Variants in FILIP1L observed in about 807,000 individuals in gnomAD.
FILIP1L encodes the protein filamin A-interacting protein 1-like.
In FILIP1L, 55 loss-of-function variants were observed where a neutral mutation model predicts 96.6. The observed-to-expected ratio is 0.57, with a 90% CI of 0.46 to 0.71. FILIP1L has a LOEUF of 0.71. Ranked by LOEUF, FILIP1L falls within the 30% of genes least tolerant of loss-of-function variation. The probability of loss-of-function intolerance (pLI) is 0.00; values close to 1 mark genes in which losing one functional copy is unlikely to be tolerated. For missense variants in FILIP1L, 1,304 were observed against 1,321.2 expected, an observed-to-expected ratio of 0.99 and a Z score of 0.20; for synonymous variants, 467 against 473.9, an observed-to-expected ratio of 0.99 and a Z score of 0.19.
At chr3:99,916,455 CA>C (rs1559686859) in intron 4 of FILIP1L, among the ~76,000 whole-genome samples, 11 of 150,970 alleles carry the variant, frequency 7.3e-5, no homozygotes, top group African/African-American at 2.2e-4. Flanking sequence ...CACACACACA[CA>C]CACACACACA....
chr3:100,018,870 C>A (rs1710421362), intron 1 of FILIP1L, among the ~76,000 whole-genome samples: 1 of 151,754 alleles, frequency 6.6e-6, no homozygotes, highest in Non-Finnish European at 1.5e-5. Context: ...CAAATAAGCT[C>A]ATTAAAAAAT....
intron 4 of FILIP1L, among the ~76,000 whole-genome samples, chr3:99,858,430 A>C (rs1403981299): frequency 1.3e-5 from 2 of 152,162 alleles, no homozygotes; most frequent in East Asian, 3.8e-4. Flanking sequence ...ACACCACTGC[A>C]CTCCAGCCTG....
At position 99,851,039 on chromosome 3, in the gene FILIP1L, A is replaced by G. The variant is rs1219955931; in HGVS notation, c.637T>C (p.Ser213Pro). 6.3e-7 allele frequency: 1 copy of G among 1,596,504 alleles called. No homozygotes were observed. ...LKKLIDQEIK[S>P]QEEKEQEKEK... ...TTTTCTTGCTCCTTCTCCTCCTGAG[A>G]CTTGATTTCTTGATCAATTAGCTTC... is the stretch of plus-strand genomic sequence containing the variant. Residue 213 changes from serine to proline, a missense_variant, in exon 5 of 6, where the codon TCT becomes CCT. Ser to Pro is a moderately conservative substitution (Grantham distance 74). Coordinates refer to ENST00000477258, the MANE Select transcript of FILIP1L (RefSeq NM_001387850.1).
intron 1 of FILIP1L, among the ~76,000 whole-genome samples, chr3:100,101,593 G>A (rs566987726): frequency 2.0e-5 from 3 of 152,246 alleles, no homozygotes; most frequent in African/African-American, 7.2e-5. Flanking sequence ...GTCCAACACA[G>A]GAGGGGTTGG....
intron 1 of FILIP1L, among the ~76,000 whole-genome samples, chr3:100,006,559 C>T (rs1045903745): frequency 1.3e-5 from 2 of 151,774 alleles, no homozygotes; most frequent in African/African-American, 2.4e-5. Flanking sequence ...CATTCAAATC[C>T]CAGAAGTTGT....
chr3:99,838,975 A>G (rs756714813), intron 5 of FILIP1L, among the ~76,000 whole-genome samples: 7 of 152,114 alleles, frequency 4.6e-5, no homozygotes, highest in African/African-American at 9.7e-5. Context: ...TGCCCCAACC[A>G]TCTCAACTTC....
intron 4 of FILIP1L, among the ~76,000 whole-genome samples, chr3:99,872,322 T>TGA (rs1553691604): frequency 8.5e-5 from 12 of 141,234 alleles, no homozygotes; most frequent in Non-Finnish European, 1.4e-4. Flanking sequence ...TGTGTGTGTG[T>TGA]GACTGTGGGG....
At chr3:99,860,682 G>A (rs1331096349) in intron 4 of FILIP1L, among the ~76,000 whole-genome samples, 2 of 152,286 alleles carry the variant, frequency 1.3e-5, no homozygotes, top group African/African-American at 2.4e-5. Flanking sequence ...AAAGGGCCAG[G>A]TGGAGACTTG....
chr3:99,931,214 C>A (rs1229698139), intron 1 of FILIP1L, among the ~76,000 whole-genome samples, 184 bp from the exon 2 acceptor site: 1 of 152,084 alleles, frequency 6.6e-6, no homozygotes, highest in Non-Finnish European at 1.5e-5. Context: ...ATTTGCACTT[C>A]TGCTTTTAAA....
Position 99,830,522 on chromosome 3 carries a change from G to A in FILIP1L, c.3465C>T (p.Ala1155=). ...STGITKISTK[A]PTVPMDKPIY... ...TAGGCTTATCCATAGGCACTGTGGG[G>A]GCTTTAGTGGAAATCTTGGTGATGC... The change falls in exon 6 of 6, where the codon GCC becomes GCT. Residue 1155 remains alanine, a synonymous_variant. Coordinates refer to ENST00000477258, the MANE Select transcript of FILIP1L (RefSeq NM_001387850.1). 1 of 456,698 alleles carries A rather than the reference G, an allele frequency of 2.2e-6. No homozygotes were observed. The highest frequency in any genetic ancestry group is 4.4e-6 in the Non-Finnish European group (1 of 226,970). The allele number at this position is 456,698 out of a possible 1,614,324, so 28.3% of individuals were successfully genotyped here.
intron 1 of FILIP1L, among the ~76,000 whole-genome samples, chr3:100,056,179 G>T (rs1249162327): frequency 6.6e-6 from 1 of 152,164 alleles, no homozygotes; most frequent in Non-Finnish European, 1.5e-5. Flanking sequence ...TACAAAAATG[G>T]TAGGGTACCA....
At chr3:99,889,520 C>A (rs963135131) in intron 4 of FILIP1L, among the ~76,000 whole-genome samples, 1 of 151,918 alleles carries the variant, frequency 6.6e-6, no homozygotes, top group Non-Finnish European at 1.5e-5. Context: ...GTTAAAATTG[C>A]TTTAATCCAG....
intron 1 of FILIP1L, among the ~76,000 whole-genome samples, chr3:100,079,351 G>T (rs2065898036): frequency 6.6e-6 from 1 of 152,208 alleles, no homozygotes; most frequent in South Asian, 2.1e-4. Context: ...GGATGGCAAA[G>T]AATTTGTAAC....
chr3:100,061,561 T>A (rs529315270), intron 1 of FILIP1L, among the ~76,000 whole-genome samples: 7 of 152,354 alleles, frequency 4.6e-5, no homozygotes, highest in African/African-American at 1.2e-4. Flanking sequence ...GGAACTTTTT[T>A]AAAAAATTGC....
At chr3:99,894,213 T>C (rs1412224332) in intron 4 of FILIP1L, among the ~76,000 whole-genome samples, 1 of 152,208 alleles carries the variant, frequency 6.6e-6, no homozygotes, top group Non-Finnish European at 1.5e-5. Context: ...ACTAAGTAGA[T>C]TGCATAAGAT....
At position 100,057,102 on chromosome 3, in the gene FILIP1L, G is replaced by C. The variant is rs74479499; in HGVS notation, c.-11+56951C>G. On this transcript the variant is annotated intron_variant, in intron 1 of 5. Transcript: ENST00000477258. ...AGGCTCAGGGCAGGAGATTTTAATG[G>C]AAAGTCCTGGACCTGCAGTCAGAGA... Among the ~76,000 whole-genome samples the C allele has an allele frequency of 6.7e-3, 1,028 of 152,330 alleles. 15 individuals are homozygous for C. Among genetic ancestry groups the C allele is most frequent in the African/African-American group, 0.023 (974 of 41,570 alleles).
At chr3:100,043,351 T>C (rs1028185421) in intron 1 of FILIP1L, among the ~76,000 whole-genome samples, 37 of 152,258 alleles carry the variant, frequency 2.4e-4, no homozygotes, top group Non-Finnish European at 1.5e-5. Context: ...CTCTGTTCTT[T>C]TCAGCTATAT....
intron 5 of FILIP1L, among the ~76,000 whole-genome samples, chr3:99,838,393 A>T (rs1458291513): frequency 6.6e-6 from 1 of 152,212 alleles, no homozygotes; most frequent in Non-Finnish European, 1.5e-5. Context: ...GTTTCAGAAG[A>T]GGCGAGCATT....
chr3:99,938,247 G>A (rs1004157104), intron 1 of FILIP1L, among the ~76,000 whole-genome samples: 3 of 152,204 alleles, frequency 2.0e-5, no homozygotes, highest in African/African-American at 7.2e-5. Flanking sequence ...ACCCTCACAT[G>A]CATGAAATGA....
Sources: allele counts gnomAD v4.1 joint callset (sites outside exome capture counted in the v4.1 genomes callset), GRCh38; gene constraint gnomAD v4.1.1; transcripts MANE v1.5; gene names NCBI Gene and HGNC (gene_info 2026-07-23, HGNC 2026-07-21).